HTR3A: variants seen among roughly 807,000 people sequenced by gnomAD.
The protein encoded by HTR3A is 5-hydroxytryptamine (serotonin) receptor 3A, ionotropic.
A neutral mutation model predicts 54.8 loss-of-function variants in HTR3A; 45 were observed. The ratio of observed to expected loss-of-function variants is 0.82; its 90% CI spans 0.65 to 1.05. HTR3A has a LOEUF of 1.05. Among genes scored for constraint, HTR3A ranks in the 50% least tolerant of loss-of-function variants. The pLI, the probability that HTR3A is intolerant of heterozygous loss-of-function variation, is 0.00. For synonymous variants in HTR3A, 297 were observed against 256.0 expected (o/e 1.16, Z -1.53); for missense variants, 657 against 614.0 (o/e 1.07, Z -0.74).
intron 1 of HTR3A, 92 bp from the exon 2 acceptor site, chr11:113,977,679 T>C: frequency 6.5e-7 from 1 of 1,534,096 alleles, no homozygotes; most frequent in Non-Finnish European, 8.9e-7. Flanking sequence ...ATGGTGGGGA[T>C]ACGTCTCTTT....
chr11:113,989,505 C>T lies in HTR3A; in HGVS notation c.1179C>T (p.Asp393=). 6.2e-7 allele frequency: 1 copy of T among 1,614,174 alleles called. No homozygotes were observed. Among genetic ancestry groups the T allele is most frequent in the Non-Finnish European group, 8.5e-7 (1 of 1,180,038 alleles). Residue 393 remains aspartate (D), a synonymous_variant, in exon 9 of 9, where the codon GAC becomes GAT. Transcript: ENST00000504030. This position sits in a 1 kb window ranked among gnomAD's most constrained non-coding sequence, Gnocchi z 4.4. ...NHCSHMGGPQ[D]FEKSPRDRCS... The stretch of plus-strand genomic sequence containing the variant: ...GCAGCCACATGGGAGGACCCCAGGA[C>T]TTCGAGAAGAGCCCGAGGGACAGAT...
chr11:113,990,152 G>A lies in HTR3A; in HGVS notation c.*389G>A, dbSNP rs1332552731. The A allele has an allele frequency of 4.3e-6, 2 of 462,728 alleles. No homozygotes were observed. Among genetic ancestry groups the A allele is most frequent in the Admixed American group, 2.3e-5 (1 of 42,772 alleles). The allele number at this position is 462,728 out of a possible 1,614,324, so 28.7% of individuals were successfully genotyped here. On this transcript the variant is annotated 3_prime_UTR_variant, in exon 9 of 9. Coordinates refer to ENST00000504030, the MANE Select transcript of HTR3A (RefSeq NM_000869.6). ...TCACAACTTTGCTTTTAGGTTGAAG[G>A]CAAAACCAACTCTCTACTACACAGG...
intron 6 of HTR3A, among the ~76,000 whole-genome samples, 165 bp from the exon 7 acceptor site, chr11:113,986,353 C>T (rs1950491249): frequency 6.6e-6 from 1 of 152,136 alleles, no homozygotes; most frequent in African/African-American, 2.4e-5. Flanking sequence ...TTCTAAACAG[C>T]CATAAGCCTG....
chr11:113,984,141 C>A (rs1376006523), intron 5 of HTR3A, among the ~76,000 whole-genome samples: 1 of 152,176 alleles, frequency 6.6e-6, no homozygotes, highest in Non-Finnish European at 1.5e-5. Context: ...CCAACCACAC[C>A]TAGCCTGGCC....
rs145948134 is a variant in HTR3A at position 113,979,380 on chromosome 11, G to A, written c.264+103G>A. 2.0e-3 allele frequency: 1,722 copies of A among 855,754 alleles called. 17 individuals carry two copies. The African/African-American group carries it at 0.024, about 12-fold the overall frequency. 53.0% of individuals were successfully genotyped at this position (855,754 alleles called of 1,614,324 possible). ...CTTGGCGAGGGAAGGTGAGCGGAGA[G>A]GCTGAGGGGCACCCTCAGCCTGAGA... On this transcript the variant is annotated intron_variant, in intron 3 of 8. Coordinates refer to ENST00000504030, the MANE Select transcript of HTR3A (RefSeq NM_000869.6).
rs1429857430 is a variant in HTR3A, at chr11:113,983,187, T to C, written c.442T>C (p.Tyr148His). ...YIRHQGEVQN[Y>H]KPLQVVTACS... ...TCGGCATCAAGGCGAAGTTCAGAAC[T>C]ACAAGCCCCTTCAGGTGGTGACTGC... The change falls in exon 5 of 9, where the codon TAC becomes CAC. Residue 148 changes from tyrosine to histidine, a missense_variant. By Grantham distance (83) the Tyr-to-His change is moderately conservative. Coordinates refer to ENST00000504030, the MANE Select transcript of HTR3A (RefSeq NM_000869.6). 6.2e-7 allele frequency: 1 copy of C among 1,614,124 alleles called. No individual in the cohort carries two copies. Among genetic ancestry groups the C allele is most frequent in the Non-Finnish European group, 8.5e-7 (1 of 1,180,046 alleles).
intron 3 of HTR3A, among the ~76,000 whole-genome samples, chr11:113,980,313 G>A (rs1348640222): frequency 1.3e-5 from 2 of 152,212 alleles, no homozygotes; most frequent in Non-Finnish European, 1.5e-5. Context: ...GAACTAGATC[G>A]AGGCCCTGCC....
chr11:113,989,772 A>G lies in HTR3A; in HGVS notation c.*9A>G. On this transcript the variant is annotated 3_prime_UTR_variant, in exon 9 of 9. Transcript: ENST00000504030. The surrounding 1 kb of genome is among the most constrained non-coding windows in gnomAD (Gnocchi z 4.4). ...TCTGGCAGTACGCTTGAGTGGGTAC[A>G]GCCCAGTGGAGGAGGGGGTACAGTC... is the stretch of plus-strand genomic sequence containing the variant. The G allele has an allele frequency of 1.2e-6, 2 of 1,606,924 alleles. No homozygotes were observed. The highest frequency in any genetic ancestry group is 1.7e-6 in the Non-Finnish European group (2 of 1,179,872).
At chr11:113,986,287 C>T (rs1950490600) in intron 6 of HTR3A, 112 bp downstream of exon 6, 1 of 1,367,386 alleles carries the variant, frequency 7.3e-7, no homozygotes, top group Admixed American at 1.7e-5. Context: ...CAGGGTTGCA[C>T]ACATCTGGAA....
intron 1 of HTR3A, chr11:113,977,507 T>G: frequency 1.9e-6 from 3 of 1,550,612 alleles, no homozygotes; most frequent in Non-Finnish European, 2.6e-6. Context: ...CTCAGCTGTC[T>G]TGTGCCACTT....
intron 4 of HTR3A, among the ~76,000 whole-genome samples, chr11:113,981,613 C>G (rs919651901): frequency 1.3e-5 from 2 of 152,104 alleles, no homozygotes; most frequent in Non-Finnish European, 2.9e-5. Flanking sequence ...TTATAATAAC[C>G]TAATGGGACA....
chr11:113,978,696 A>G (rs1326779625), intron 2 of HTR3A, among the ~76,000 whole-genome samples: 3 of 152,206 alleles, frequency 2.0e-5, no homozygotes, highest in Non-Finnish European at 4.4e-5. Flanking sequence ...AAGTTGAAAC[A>G]TAAATCACTG....
intron 6 of HTR3A, 46 bp from the exon 7 acceptor site, chr11:113,986,472 G>A (rs779883097): frequency 3.7e-6 from 6 of 1,602,554 alleles, no homozygotes; most frequent in East Asian, 2.2e-5. Flanking sequence ...CCTGGGAGCA[G>A]AGCCTGTTTG....
rs752298374 is a variant in HTR3A at position 113,983,117 on chromosome 11, C to T, written c.375-3C>T. 5 of 1,614,238 alleles carry T rather than the reference C, an allele frequency of 3.1e-6. No homozygotes were observed. The Admixed American group carries it at 8.3e-5, about 27-fold the overall frequency. ...CCCAAACTAACCCCTTTTCCCCCGCCAGCGTGGATGTGGGGAAGTCTCCAA... is the reference window on the plus strand; with the variant it reads ...CCCAAACTAACCCCTTTTCCCCCGCTAGCGTGGATGTGGGGAAGTCTCCAA... On this transcript the variant is annotated splice_polypyrimidine_tract_variant and splice_region_variant and intron_variant, in intron 4 of 8. Coordinates refer to ENST00000504030, the MANE Select transcript of HTR3A (RefSeq NM_000869.6).
intron 8 of HTR3A, among the ~76,000 whole-genome samples, chr11:113,987,255 G>T (rs573456883): frequency 1.3e-5 from 2 of 152,344 alleles, no homozygotes; most frequent in South Asian, 4.1e-4. Context: ...TACCTTGGGT[G>T]TTGACAGAGA....
chr11:113,984,841 T>A (rs1297579072), intron 5 of HTR3A, among the ~76,000 whole-genome samples: 3 of 151,436 alleles, frequency 2.0e-5, no homozygotes, highest in Non-Finnish European at 2.9e-5. Flanking sequence ...TCACTTCAAC[T>A]CGGAGGGTGG....
chr11:113,983,692 T>C (rs1401542558), intron 5 of HTR3A, among the ~76,000 whole-genome samples: 1 of 152,144 alleles, frequency 6.6e-6, no homozygotes, highest in Non-Finnish European at 1.5e-5. Flanking sequence ...GACAATTTTT[T>C]TCCAATATCT....
At chr11:113,988,589 C>T (rs1334155152) in intron 8 of HTR3A, among the ~76,000 whole-genome samples, 1 of 152,080 alleles carries the variant, frequency 6.6e-6, no homozygotes, top group Non-Finnish European at 1.5e-5. Flanking sequence ...CATGGTGAAA[C>T]CCCATCTCTA....
chr11:113,990,225 T>C lies in HTR3A; in HGVS notation c.*462T>C, dbSNP rs969009552. 2.2e-6 allele frequency: 1 copy of C among 454,778 alleles called. No individual in the cohort carries two copies. Among genetic ancestry groups the C allele is most frequent in the Non-Finnish European group, 4.4e-6 (1 of 227,372 alleles). 28.2% of individuals were successfully genotyped at this position (454,778 alleles called of 1,614,324 possible). A position where few individuals can be genotyped will look rare whatever the true frequency, so the allele number is the denominator to read the frequency against. On this transcript the variant is annotated 3_prime_UTR_variant, in exon 9 of 9. Coordinates refer to ENST00000504030, the MANE Select transcript of HTR3A (RefSeq NM_000869.6). ...TCTCTAACCCCTAGTGTCTTTTTTT[T>C]CTTCACCTCACTTGTGGCAGCTTCC...
Sources: allele counts gnomAD v4.1 joint callset (sites outside exome capture counted in the v4.1 genomes callset), GRCh38; gene constraint gnomAD v4.1.1; non-coding constraint Gnocchi (gnomAD v3.1); transcripts MANE v1.5; gene names NCBI Gene and HGNC (gene_info 2026-07-23, HGNC 2026-07-21).